CEACAM1: variants seen among roughly 807,000 people sequenced by gnomAD.
CEACAM1 encodes CEA cell adhesion molecule 1.
In CEACAM1, 31 loss-of-function variants were observed where a neutral mutation model predicts 49.1. The observed-to-expected ratio is 0.63, with a 90% CI of 0.47 to 0.85. The LOEUF (loss-of-function observed/expected upper bound fraction) is 0.85, where lower values mean the gene tolerates loss of function less well. Among genes scored for constraint, CEACAM1 ranks in the 40% least tolerant of loss-of-function variants. The pLI, the probability that CEACAM1 is intolerant of heterozygous loss-of-function variation, is 0.00. For synonymous variants in CEACAM1, 244 were observed against 247.8 expected (o/e 0.98, Z 0.14); for missense variants, 570 against 645.3 (o/e 0.88, Z 1.26).
At position 42,519,201 on chromosome 19, in the gene CEACAM1, T is replaced by A; in HGVS notation, c.993A>T (p.Lys331Asn). The A allele has an allele frequency of 6.2e-7, 1 of 1,614,164 alleles. No homozygotes were observed. The highest frequency in any genetic ancestry group is 8.5e-7 in the Non-Finnish European group (1 of 1,180,032). ...LSPVVAKPQIKASKTTVTGDK... is the reference protein window; with the variant it reads ...LSPVVAKPQINASKTTVTGDK... The stretch of plus-strand genomic sequence containing the variant: ...CTCCTGTGACTGTGGTCTTGCTGGC[T>A]TTGATTTGGGGCTTTGCTACTACTG... Residue 331 changes from lysine to asparagine, a missense_variant, in exon 5 of 9, where the codon AAA becomes AAT. Physicochemically the swap from Lys to Asn is moderately conservative, Grantham distance 94. Coordinates refer to ENST00000161559, the MANE Select transcript of CEACAM1 (RefSeq NM_001712.5).
In CEACAM1 at chr19:42,510,897, G is replaced by A. The variant is rs146856369; in HGVS notation, c.1453C>T (p.Pro485Ser). 6.8e-5 allele frequency: 110 copies of A among 1,613,826 alleles called. 1 individual carries two copies. The African/African-American group carries it at 1.3e-3, about 20-fold the overall frequency. ...AAACCGGCTATGCTTACCTTGTTAG[G>A]TGGGTCATTGGAGTGGTCCTGAGCT... ...NHTQDHSNDP[P>S]NKMNEVTYST... is the part of the protein sequence containing the mutation. Residue 485 changes from proline (P) to serine (S), a missense_variant, in exon 8 of 9, where the codon CCT becomes TCT. By Grantham distance (74) the Pro-to-Ser change is moderately conservative. Coordinates refer to ENST00000161559, the MANE Select transcript of CEACAM1 (RefSeq NM_001712.5).
At chr19:42,513,031 C>G (rs2041501015) in intron 5 of CEACAM1, among the ~76,000 whole-genome samples, 2 of 152,216 alleles carry the variant, frequency 1.3e-5, no homozygotes, top group Non-Finnish European at 2.9e-5. Flanking sequence ...TTTCTGCGCT[C>G]AGCCATTTTT....
intron 5 of CEACAM1, chr19:42,517,007 T>C (rs1003372022): frequency 1.2e-5 from 3 of 253,188 alleles, no homozygotes; most frequent in Admixed American, 1.1e-4. Context: ...GAATAAAATA[T>C]AGAGCCCAGA....
intron 2 of CEACAM1, among the ~76,000 whole-genome samples, chr19:42,522,908 T>G (rs1350829143): frequency 4.6e-5 from 7 of 152,278 alleles, no homozygotes; most frequent in African/African-American, 1.4e-4. Flanking sequence ...ATGGCAAGTG[T>G]GTGTTTCACA....
chr19:42,524,292 C>G (rs2041834348), intron 2 of CEACAM1, among the ~76,000 whole-genome samples: 1 of 152,190 alleles, frequency 6.6e-6, no homozygotes, highest in Non-Finnish European at 1.5e-5. Flanking sequence ...CTGGCTAGCT[C>G]TACCTGGGGA....
chr19:42,518,293 AGTC>A (rs2041649000), intron 5 of CEACAM1, among the ~76,000 whole-genome samples: 1 of 152,080 alleles, frequency 6.6e-6, no homozygotes, highest in Non-Finnish European at 1.5e-5. Context: ...TGCAACCTGT[AGTC>A]CCAGCTACTC....
At position 42,522,022 on chromosome 19, in the gene CEACAM1, A is replaced by C. The variant is rs1309696020; in HGVS notation, c.605T>G (p.Leu202Arg). The C allele has an allele frequency of 5.6e-6, 9 of 1,614,110 alleles. No individual in the cohort carries two copies. Among genetic ancestry groups the C allele is most frequent in the Non-Finnish European group, 7.6e-6 (9 of 1,180,046 alleles). Residue 202 changes from leucine (L) to arginine (R), a missense_variant, in exon 3 of 9, where the codon CTA becomes CGA. Leu to Arg is a moderately radical substitution (Grantham distance 102). Coordinates refer to ENST00000161559, the MANE Select transcript of CEACAM1 (RefSeq NM_001712.5). Reference protein sequence around the residue: ...QLSNGNRTLTLLSVTRNDTGP... With the variant: ...QLSNGNRTLTRLSVTRNDTGP... ...TGTGTCATTCCTTGTGACACTGAGT[A>C]GAGTGAGGGTCCTGTTGCCATTGGA...
In CEACAM1 at chr19:42,519,213, C is replaced by T. The variant is rs1177198446; in HGVS notation, c.981G>A (p.Lys327=). 10 of 1,614,066 alleles carry T rather than the reference C, an allele frequency of 6.2e-6. No homozygotes were observed. Among genetic ancestry groups the T allele is most frequent in the Non-Finnish European group, 8.5e-6 (10 of 1,180,014 alleles). The change falls in exon 5 of 9, where the codon AAG becomes AAA. Residue 327 remains lysine, a synonymous_variant. Transcript: ENST00000161559. The stretch of plus-strand genomic sequence containing the variant: ...TGGTCTTGCTGGCTTTGATTTGGGG[C>T]TTTGCTACTACTGGACTTAGCTCTG... ...IVTELSPVVA[K]PQIKASKTTV... is the part of the protein sequence containing the mutation.
intron 4 of CEACAM1, chr19:42,520,965 T>C: frequency 2.7e-6 from 1 of 372,482 alleles, no homozygotes; most frequent in Non-Finnish European, 4.9e-6. Flanking sequence ...CAGAAGCAAA[T>C]TGACCTTGAG....
chr19:42,523,830 G>A (rs919361842), intron 2 of CEACAM1, among the ~76,000 whole-genome samples: 1 of 152,224 alleles, frequency 6.6e-6, no homozygotes, highest in African/African-American at 2.4e-5. Flanking sequence ...GTAGGATCAT[G>A]TTATGATCAA....
In CEACAM1 at chr19:42,508,231, C is replaced by G. The variant is rs1260464958; in HGVS notation, c.*878G>C. The G allele has an allele frequency of 6.6e-6, 1 of 152,182 alleles. No individual in the cohort carries two copies. Among genetic ancestry groups the G allele is most frequent in the Non-Finnish European group, 1.5e-5 (1 of 68,026 alleles). 9.4% of individuals were successfully genotyped at this position (152,182 alleles called of 1,614,324 possible). ...ATCCCAATACCCCAAATTGTGTATT[C>G]TTTAACAATAATTTAAATAATCGCT... is the stretch of plus-strand genomic sequence containing the variant. On this transcript the variant is annotated 3_prime_UTR_variant, in exon 9 of 9. Coordinates refer to ENST00000161559, the MANE Select transcript of CEACAM1 (RefSeq NM_001712.5).
At chr19:42,517,843 A>G (rs757286035) in intron 5 of CEACAM1, among the ~76,000 whole-genome samples, 10 of 152,364 alleles carry the variant, frequency 6.6e-5, no homozygotes, top group Non-Finnish European at 8.8e-5. Context: ...ATTTAAAAGA[A>G]CTGAAAGCAG....
At chr19:42,523,160 C>T (rs2041801955) in intron 2 of CEACAM1, among the ~76,000 whole-genome samples, 1 of 152,170 alleles carries the variant, frequency 6.6e-6, no homozygotes, top group African/African-American at 2.4e-5. Flanking sequence ...CTTCACAGTC[C>T]TACTTTGCCC....
chr19:42,519,099 ACT>A lies in CEACAM1; in HGVS notation c.1093_1094del (p.Leu366ProfsTer31). ...GCTTCATCCTCTCCGAGGACGGGAG[ACT>A]CTGGTTTTTGAAGAACCAACGGATG... is the stretch of plus-strand genomic sequence containing the variant. Reference protein sequence around the residue: ...ISIRWFFKNQSLPSSERMKLS... With the variant: ...ISIRWFFKNQXLPSSERMKLS... On this transcript the variant is annotated frameshift_variant, in exon 5 of 9. Coordinates refer to ENST00000161559, the MANE Select transcript of CEACAM1 (RefSeq NM_001712.5). LOFTEE classifies it high-confidence loss of function. 2 of 1,613,774 alleles carry A rather than the reference ACT, an allele frequency of 1.2e-6. No homozygotes were observed. Among genetic ancestry groups the A allele is most frequent in the Non-Finnish European group, 1.7e-6 (2 of 1,179,968 alleles).
At chr19:42,527,532 T>TCC in intron 1 of CEACAM1, 132 bp from the exon 2 acceptor site, 3 of 1,244,378 alleles carry the variant, frequency 2.4e-6, no homozygotes, top group South Asian at 3.1e-5. Flanking sequence ...TGTGTGTGTG[T>TCC]GTGTGTGTGT....
chr19:42,512,246 G>A, intron 6 of CEACAM1, 104 bp downstream of exon 6: 1 of 1,324,906 alleles, frequency 7.5e-7, no homozygotes, highest in Non-Finnish European at 1.1e-6. Flanking sequence ...TTTAGTGGGA[G>A]GAGTATGAGA....
chr19:42,527,533 G>A, intron 1 of CEACAM1, 133 bp from the exon 2 acceptor site: 2 of 1,247,770 alleles, frequency 1.6e-6, no homozygotes, highest in Non-Finnish European at 2.2e-6. Flanking sequence ...GTGTGTGTGT[G>A]TGTGTGTGTG....
intron 5 of CEACAM1, among the ~76,000 whole-genome samples, chr19:42,516,571 C>T (rs1451735961): frequency 6.6e-6 from 1 of 152,112 alleles, no homozygotes; most frequent in Non-Finnish European, 1.5e-5. Flanking sequence ...GACAGTACTA[C>T]CCAAAGTGAT....
intron 5 of CEACAM1, chr19:42,515,100 C>T (rs559998269): frequency 1.1e-5 from 7 of 641,006 alleles, no homozygotes; most frequent in African/African-American, 5.5e-5. Context: ...GAGATTCTGT[C>T]TCTCTGAAAA....
Sources: gnomAD v4.1 joint callset for allele counts (sites outside exome capture counted in the v4.1 genomes callset) on GRCh38, gnomAD v4.1.1 for gene constraint, MANE v1.5 for transcripts, NCBI Gene and HGNC (gene_info 2026-07-23, HGNC 2026-07-21) for gene names.